The following TANGO6 variants were observed in gnomAD, a reference collection of about 807,000 sequenced individuals.
TANGO6 encodes the protein transport and Golgi organization protein 6 homolog.
A neutral mutation model predicts 114.2 loss-of-function variants in TANGO6; 90 were observed. The ratio of observed to expected loss-of-function variants is 0.79; its 90% CI spans 0.66 to 0.94. The LOEUF is 0.94. Ranked by LOEUF, TANGO6 falls within the 40% of genes least tolerant of loss-of-function variation. The probability of loss-of-function intolerance (pLI) is 0.00; values close to 1 mark genes in which losing one functional copy is unlikely to be tolerated. For synonymous variants in TANGO6, 477 were observed against 509.8 expected (o/e 0.94, Z 0.87); for missense variants, 1,274 against 1,315.3 (o/e 0.97, Z 0.49).
chr16:68,978,456 G>A (rs546894247), intron 15 of TANGO6, among the ~76,000 whole-genome samples: 2 of 152,310 alleles, frequency 1.3e-5, no homozygotes, highest in Non-Finnish European at 2.9e-5. Flanking sequence ...TCTTCAGAGT[G>A]TCCAACTGTA....
intron 17 of TANGO6, 70 bp from the exon 18 acceptor site, chr16:69,083,415 A>G: frequency 6.7e-7 from 1 of 1,497,472 alleles, no homozygotes; most frequent in Non-Finnish European, 9.0e-7. Flanking sequence ...GCAGGAGGAG[A>G]GGGCAGTTCA....
At chr16:68,949,767 A>G (rs1963453585) in intron 14 of TANGO6, among the ~76,000 whole-genome samples, 1 of 152,176 alleles carries the variant, frequency 6.6e-6, no homozygotes, top group African/African-American at 2.4e-5. Context: ...CATGTGACCT[A>G]TCAGTTCCAC....
In TANGO6 at chr16:69,083,476, C is replaced by G; in HGVS notation, c.3109-9C>G. ...TAGACAGGCGGTCATGGCTGTCTCTCTCATGCAGGTGCTGAGCGCCGTCCT... is the reference window on the plus strand; with the variant it reads ...TAGACAGGCGGTCATGGCTGTCTCTGTCATGCAGGTGCTGAGCGCCGTCCT... On this transcript the variant is annotated splice_polypyrimidine_tract_variant and intron_variant, in intron 17 of 17. Coordinates refer to ENST00000261778, the MANE Select transcript of TANGO6 (RefSeq NM_024562.2). 1 of 1,603,892 alleles carries G rather than the reference C, an allele frequency of 6.2e-7. No individual in the cohort carries two copies. Among genetic ancestry groups the G allele is most frequent in the Non-Finnish European group, 8.5e-7 (1 of 1,174,406 alleles).
chr16:68,966,246 G>A (rs376003609), intron 14 of TANGO6, among the ~76,000 whole-genome samples: 3 of 147,458 alleles, frequency 2.0e-5, no homozygotes, highest in East Asian at 2.0e-4. Flanking sequence ...AAATGAGGCC[G>A]GCTGCAGTGG....
intron 7 of TANGO6, among the ~76,000 whole-genome samples, chr16:68,892,224 G>C (rs1294250021): frequency 6.6e-6 from 1 of 152,210 alleles, no homozygotes. Flanking sequence ...CCATAGCTAA[G>C]ATCATCCTAT....
At chr16:68,940,291 A>G (rs539061186) in intron 14 of TANGO6, among the ~76,000 whole-genome samples, 2 of 151,194 alleles carry the variant, frequency 1.3e-5, no homozygotes, top group South Asian at 4.2e-4. Flanking sequence ...GGCTGAAACT[A>G]CCCTCTGCCT....
At chr16:68,983,181 T>C (rs967893980) in intron 15 of TANGO6, among the ~76,000 whole-genome samples, 2 of 152,150 alleles carry the variant, frequency 1.3e-5, no homozygotes, top group Admixed American at 1.3e-4. Flanking sequence ...GTGGCTCTCA[T>C]TTGGATCCCC....
chr16:68,860,953 T>C (rs1212015462), intron 2 of TANGO6, among the ~76,000 whole-genome samples: 1 of 152,206 alleles, frequency 6.6e-6, no homozygotes, highest in Non-Finnish European at 1.5e-5. Flanking sequence ...GAGGGTTAAA[T>C]GAAATAACAC....
intron 15 of TANGO6, among the ~76,000 whole-genome samples, chr16:69,020,022 A>G (rs1439470973): frequency 2.0e-5 from 3 of 152,232 alleles, no homozygotes; most frequent in Non-Finnish European, 4.4e-5. Context: ...ATTCTGAGAA[A>G]TGTGTAGTTA....
At chr16:68,900,953 T>G (rs1054324783) in intron 8 of TANGO6, among the ~76,000 whole-genome samples, 1 of 152,228 alleles carries the variant, frequency 6.6e-6, no homozygotes, top group Admixed American at 6.5e-5. Flanking sequence ...CTTTGTAATT[T>G]AGCCTAGGAT....
At chr16:68,940,975 G>A (rs1963347491) in intron 14 of TANGO6, among the ~76,000 whole-genome samples, 1 of 152,132 alleles carries the variant, frequency 6.6e-6, no homozygotes, top group Non-Finnish European at 1.5e-5. Context: ...AAAGTTTCTG[G>A]GCCTGCCAGA....
Position 69,022,884 on chromosome 16 carries a change from A to G in TANGO6, c.2899A>G (p.Arg967Gly). Residue 967 changes from arginine to glycine, a missense_variant, in exon 16 of 18, where the codon AGA becomes GGA. Arg to Gly is a moderately radical substitution (Grantham distance 125). Transcript: ENST00000261778. The stretch of plus-strand genomic sequence containing the variant: ...GATCCATACCTTCCTGAGGGGAGTG[A>G]GAGATCCTGATGGTGCTCACAGGGC... Reference protein sequence around the residue: ...PLIHTFLRGVRDPDGAHRASS... With the variant: ...PLIHTFLRGVGDPDGAHRASS... 6.3e-7 allele frequency: 1 copy of G among 1,596,114 alleles called. No homozygotes were observed. Among genetic ancestry groups the G allele is most frequent in the Non-Finnish European group, 8.5e-7 (1 of 1,171,018 alleles).
intron 17 of TANGO6, among the ~76,000 whole-genome samples, chr16:69,043,119 G>A (rs982704125): frequency 4.6e-5 from 7 of 152,090 alleles, no homozygotes; most frequent in African/African-American, 1.2e-4. Flanking sequence ...CCAGCTAGTC[G>A]GGAGGCTGAG....
At chr16:68,946,358 A>AT (rs1963414506) in intron 14 of TANGO6, among the ~76,000 whole-genome samples, 1 of 151,636 alleles carries the variant, frequency 6.6e-6, no homozygotes, top group Admixed American at 6.6e-5. Context: ...TGCCCGGCTA[A>AT]TTTTTTTGTA....
intron 15 of TANGO6, among the ~76,000 whole-genome samples, chr16:68,997,383 A>G (rs1375288134): frequency 6.6e-6 from 1 of 152,220 alleles, no homozygotes; most frequent in East Asian, 1.9e-4. Flanking sequence ...TGGATTATTC[A>G]TGAGTTTTCC....
chr16:68,896,371 T>A (rs2152179074), intron 7 of TANGO6, among the ~76,000 whole-genome samples: 1 of 152,180 alleles, frequency 6.6e-6, no homozygotes, highest in South Asian at 2.1e-4. Flanking sequence ...TTGCTTGGGC[T>A]GGAGTGCAAT....
intron 15 of TANGO6, 135 bp downstream of exon 15, chr16:68,974,303 G>A: frequency 1.0e-6 from 1 of 960,680 alleles, no homozygotes; most frequent in Non-Finnish European, 1.6e-6. Context: ...ACCCATTTAG[G>A]AATTTAGGAA....
At chr16:69,028,856 C>CAA (rs397761274) in intron 16 of TANGO6, among the ~76,000 whole-genome samples, 37 of 65,560 alleles carry the variant, frequency 5.6e-4, no homozygotes, top group South Asian at 1.3e-3. Context: ...CCCAGTTTAA[C>CAA]AAAAAAAAAA....
At chr16:68,896,480 T>C (rs1296379426) in intron 7 of TANGO6, among the ~76,000 whole-genome samples, 4 of 151,936 alleles carry the variant, frequency 2.6e-5, no homozygotes, top group Non-Finnish European at 4.4e-5. Flanking sequence ...GCCCAGCTAA[T>C]TTTTATTTTT....
Sources: allele counts gnomAD v4.1 joint callset (sites outside exome capture counted in the v4.1 genomes callset), GRCh38; gene constraint gnomAD v4.1.1; transcripts MANE v1.5; gene names NCBI Gene and HGNC (gene_info 2026-07-23, HGNC 2026-07-21).